NUMB: variants seen among roughly 807,000 people sequenced by gnomAD.
NUMB encodes the protein protein numb homolog.
In NUMB, 29 loss-of-function variants were observed where a neutral mutation model predicts 59.7. That is an observed-to-expected ratio of 0.49 (90% confidence interval 0.36 to 0.66). NUMB has a LOEUF of 0.66. Among genes scored for constraint, NUMB ranks in the 30% least tolerant of loss-of-function variants. The pLI is 0.00. For synonymous variants in NUMB, 288 were observed against 288.2 expected, an observed-to-expected ratio of 1.00 and a Z score of 0.01; for missense variants, 723 against 822.0, an observed-to-expected ratio of 0.88 and a Z score of 1.47.
At chr14:73,368,818 G>C (rs191846833) in intron 2 of NUMB, among the ~76,000 whole-genome samples, 3 of 152,256 alleles carry the variant, frequency 2.0e-5, no homozygotes, top group Admixed American at 2.0e-4. Context: ...CATTTCTTAA[G>C]AGGGGGATGA....
At chr14:73,440,549 CA>C (rs1238325379) in intron 1 of NUMB, among the ~76,000 whole-genome samples, 2 of 150,954 alleles carry the variant, frequency 1.3e-5, no homozygotes, top group Admixed American at 1.3e-4. Context: ...GCACAAGCAA[CA>C]AAAAAAACAA....
At chr14:73,338,115 C>G (rs1892445430) in intron 4 of NUMB, among the ~76,000 whole-genome samples, 1 of 151,834 alleles carries the variant, frequency 6.6e-6, no homozygotes, top group Admixed American at 6.6e-5. Context: ...TGAGACCCCC[C>G]CACCCCCAAC....
At chr14:73,362,528 T>C (rs1184961362) in intron 3 of NUMB, among the ~76,000 whole-genome samples, 3 of 152,100 alleles carry the variant, frequency 2.0e-5, no homozygotes, top group African/African-American at 7.2e-5. Flanking sequence ...ACTTCAGTTG[T>C]GACCTCCCAG....
At chr14:73,351,201 C>T (rs1051336352) in intron 4 of NUMB, among the ~76,000 whole-genome samples, 4 of 152,290 alleles carry the variant, frequency 2.6e-5, no homozygotes, top group South Asian at 2.1e-4. Flanking sequence ...TGGCCGGGCA[C>T]GGTGGCTCAT....
chr14:73,420,413 A>G (rs557984123), intron 1 of NUMB, among the ~76,000 whole-genome samples: 2 of 152,360 alleles, frequency 1.3e-5, no homozygotes, highest in African/African-American at 4.8e-5. Flanking sequence ...AGATAAGTGT[A>G]TCACATGTAT....
At chr14:73,283,515 G>C (rs1009826985) in intron 10 of NUMB, among the ~76,000 whole-genome samples, 3 of 152,342 alleles carry the variant, frequency 2.0e-5, no homozygotes, top group Middle Eastern at 3.4e-3. Context: ...GCTGTACAGA[G>C]GCCACACAAA....
At chr14:73,441,592 G>A (rs1016222422) in intron 1 of NUMB, among the ~76,000 whole-genome samples, 3 of 151,978 alleles carry the variant, frequency 2.0e-5, no homozygotes, top group African/African-American at 7.3e-5. Context: ...AAAAAGCAGA[G>A]ATCAGCCTGA....
chr14:73,436,355 C>T lies in NUMB; in HGVS notation c.-233+22138G>A, dbSNP rs545632274. Among the ~76,000 whole-genome samples, 247 of 152,226 alleles carry T rather than the reference C, an allele frequency of 1.6e-3. 1 individual carries two copies. The highest frequency in any genetic ancestry group is 5.7e-3 in the African/African-American group (235 of 41,550). On this transcript the variant is annotated intron_variant, in intron 1 of 12. Coordinates refer to ENST00000555238, the MANE Select transcript of NUMB (RefSeq NM_001005743.2). ...TTTTGTTGACGGAGTCCCACTCTGT[C>T]GCCCAGGATGGACCACAGTAGCGTG...
intron 12 of NUMB, among the ~76,000 whole-genome samples, chr14:73,278,745 TGAGAC>T: frequency 9.3e-6 from 1 of 107,434 alleles, no homozygotes; most frequent in East Asian, 3.4e-4. Flanking sequence ...TTTTTTTTTT[TGAGAC>T]AGAGTATTGC....
At chr14:73,315,733 T>C (rs1891051219) in intron 6 of NUMB, among the ~76,000 whole-genome samples, 2 of 152,192 alleles carry the variant, frequency 1.3e-5, no homozygotes, top group Admixed American at 6.5e-5. Flanking sequence ...TTCTTCCTAT[T>C]TCCCTGTGAA....
intron 1 of NUMB, among the ~76,000 whole-genome samples, chr14:73,434,436 A>C (rs1349955121): frequency 1.3e-5 from 2 of 152,178 alleles, no homozygotes; most frequent in African/African-American, 4.8e-5. Context: ...TGCTAGTACT[A>C]ATATTATCAT....
chr14:73,352,433 TAC>T (rs10610977), intron 4 of NUMB, among the ~76,000 whole-genome samples: 8,496 of 52,392 alleles, frequency 0.16, 1,305 homozygotes, highest in Non-Finnish European at 0.23. Flanking sequence ...AATATATATA[TAC>T]ACACACACAC....
At chr14:73,358,994 C>T (rs1177509062) in intron 3 of NUMB, among the ~76,000 whole-genome samples, 1 of 152,180 alleles carries the variant, frequency 6.6e-6, no homozygotes, top group Non-Finnish European at 1.5e-5. Context: ...TAAAAGAGGA[C>T]ATCCAACCTC....
intron 3 of NUMB, among the ~76,000 whole-genome samples, chr14:73,365,340 C>T (rs529444694): frequency 6.6e-6 from 1 of 152,112 alleles, no homozygotes; most frequent in Non-Finnish European, 1.5e-5. Context: ...CATGCCTGGC[C>T]ATCTTATTTT....
intron 2 of NUMB, among the ~76,000 whole-genome samples, chr14:73,396,016 A>G (rs945275970): frequency 1.3e-5 from 2 of 152,192 alleles, no homozygotes; most frequent in African/African-American, 4.8e-5. Flanking sequence ...GAAAACTAAC[A>G]TAGTCTTTTT....
At position 73,287,131 on chromosome 14, in the gene NUMB, G is replaced by A. The variant is rs2139817064; in HGVS notation, c.634C>T (p.Gln212Ter). Residue 212 changes from glutamine (Q) to a stop codon, truncating the protein, a stop_gained, in exon 9 of 13, where the codon CAA (glutamine) becomes TAA (stop). Transcript: ENST00000555238. LOFTEE classifies it high-confidence loss of function. ...EQAEREEIMK[Q>*]MQDAKKAETD... Reference sequence around the variant, plus strand: ...GTACCTTTCTTGGCATCTTGCATTTGTTTCATGATCTCCTCTCTTTCTGCT... The same window carrying A: ...GTACCTTTCTTGGCATCTTGCATTTATTTCATGATCTCCTCTCTTTCTGCT... 1 of 1,613,912 alleles carries A rather than the reference G, an allele frequency of 6.2e-7. No individual in the cohort carries two copies. Among genetic ancestry groups the A allele is most frequent in the Non-Finnish European group, 8.5e-7 (1 of 1,179,954 alleles).
chr14:73,417,977 C>T lies in NUMB; in HGVS notation c.-232-7909G>A, dbSNP rs374461802. Among the ~76,000 whole-genome samples the T allele has an allele frequency of 1.3e-3, 203 of 152,036 alleles. 1 individual carries two copies. The highest frequency in any genetic ancestry group is 4.6e-3 in the African/African-American group (191 of 41,458). On this transcript the variant is annotated intron_variant, in intron 1 of 12. Coordinates refer to ENST00000555238, the MANE Select transcript of NUMB (RefSeq NM_001005743.2). ...AAAATTAGCCGGGCATGGTGGCATG[C>T]GCCTGTAATCCCAGCTACTCAGGAG...
intron 4 of NUMB, among the ~76,000 whole-genome samples, chr14:73,347,505 T>C (rs76393424): frequency 1.7e-3 from 253 of 152,318 alleles, no homozygotes; most frequent in African/African-American, 5.8e-3. Context: ...ATTAGATTTG[T>C]TGTCTCCTTC....
At chr14:73,420,929 T>G (rs1373699176) in intron 1 of NUMB, among the ~76,000 whole-genome samples, 1 of 152,106 alleles carries the variant, frequency 6.6e-6, no homozygotes, top group South Asian at 2.1e-4. Flanking sequence ...TGTATTAACA[T>G]GTGTACCTGA....
Sources: gnomAD v4.1 joint callset for allele counts (sites outside exome capture counted in the v4.1 genomes callset) on GRCh38, gnomAD v4.1.1 for gene constraint, MANE v1.5 for transcripts, NCBI Gene and HGNC (gene_info 2026-07-23, HGNC 2026-07-21) for gene names.